The following SLC35D4 variants were observed in gnomAD, a reference collection of about 807,000 sequenced individuals.
The protein encoded by SLC35D4 is UDP-N-acetylglucosamine transporter SLC35D4.
the SLC35D4 span, among the ~76,000 whole-genome samples, chr18:23,364,533 A>T: frequency 6.6e-6 from 1 of 152,198 alleles, no homozygotes; most frequent in Admixed American, 6.5e-5. Flanking sequence ...AAAAACTGTG[A>T]TGGAATAGGG....
the SLC35D4 span, among the ~76,000 whole-genome samples, chr18:23,362,845 G>C: frequency 6.6e-6 from 1 of 152,142 alleles, no homozygotes; most frequent in Non-Finnish European, 1.5e-5. Context: ...GGTGGCACCT[G>C]GGATAATCAC....
the SLC35D4 span, among the ~76,000 whole-genome samples, chr18:23,384,001 T>TGG: frequency 0.21 from 7,662 of 37,094 alleles, 1,522 homozygotes; most frequent in East Asian, 0.38. Context: ...TTCCAAAAAT[T>TGG]GGGGGGGGGG....
chr18:23,422,606 T>G, the SLC35D4 span, among the ~76,000 whole-genome samples: 1 of 152,172 alleles, frequency 6.6e-6, no homozygotes, highest in Non-Finnish European at 1.5e-5. Flanking sequence ...CCATCCATTC[T>G]TTACTTTGCA....
At chr18:23,418,831 C>T in the SLC35D4 span, among the ~76,000 whole-genome samples, 2 of 151,716 alleles carry the variant, frequency 1.3e-5, no homozygotes, top group Non-Finnish European at 1.5e-5. Flanking sequence ...CGTGGTTAAA[C>T]CCCGTCTCTA....
chr18:23,404,405 T>C, the SLC35D4 span, among the ~76,000 whole-genome samples: 1 of 152,176 alleles, frequency 6.6e-6, no homozygotes, highest in Non-Finnish European at 1.5e-5. Flanking sequence ...CAAGGCGCGG[T>C]GGCTCACACC....
chr18:23,405,726 G>A, the SLC35D4 span, among the ~76,000 whole-genome samples: 1 of 152,122 alleles, frequency 6.6e-6, no homozygotes, highest in Non-Finnish European at 1.5e-5. Context: ...GAGAGAGAAA[G>A]CCTGTTGCAA....
the SLC35D4 span, among the ~76,000 whole-genome samples, chr18:23,374,330 G>A: frequency 6.6e-6 from 1 of 152,158 alleles, no homozygotes; most frequent in East Asian, 1.9e-4. Flanking sequence ...CATGCAGAGC[G>A]TGGATTGAAC....
chr18:23,367,784 T>G, the SLC35D4 span, among the ~76,000 whole-genome samples: 1 of 150,756 alleles, frequency 6.6e-6, no homozygotes, highest in Non-Finnish European at 1.5e-5. Context: ...TTGAGAAAGA[T>G]CTCCCCCTGT....
At chr18:23,294,473 C>T in the SLC35D4 span, among the ~76,000 whole-genome samples, 6 of 152,296 alleles carry the variant, frequency 3.9e-5, no homozygotes, top group East Asian at 3.9e-4. Flanking sequence ...TAGAAACTGA[C>T]GGAAACTGAT....
chr18:23,325,812 T>C, the SLC35D4 span, among the ~76,000 whole-genome samples: 2 of 152,264 alleles, frequency 1.3e-5, no homozygotes, highest in South Asian at 4.1e-4. Context: ...AAAAGGAACG[T>C]CAGCTGCTGG....
the SLC35D4 span, among the ~76,000 whole-genome samples, chr18:23,384,006 G>T: frequency 7.2e-6 from 1 of 138,106 alleles, no homozygotes; most frequent in Admixed American, 7.2e-5. Context: ...AAAATTGGGG[G>T]GGGGGGGTGT....
At chr18:23,303,261 ACAC>A in the SLC35D4 span, among the ~76,000 whole-genome samples, 1 of 152,254 alleles carries the variant, frequency 6.6e-6, no homozygotes, top group African/African-American at 2.4e-5. Flanking sequence ...GGCTGAAAAC[ACAC>A]CATCTTTAAC....
the SLC35D4 span, chr18:23,253,623 C>G: frequency 1.1e-6 from 1 of 940,628 alleles, no homozygotes; most frequent in Non-Finnish European, 1.6e-6. Context: ...CCAGATCACC[C>G]TCTGGGAAAG....
At chr18:23,393,105 CG>C in the SLC35D4 span, among the ~76,000 whole-genome samples, 1 of 151,894 alleles carries the variant, frequency 6.6e-6, no homozygotes, top group Admixed American at 6.6e-5. Flanking sequence ...TTAATAGAGA[CG>C]GGGTTTCACC....
the SLC35D4 span, among the ~76,000 whole-genome samples, chr18:23,359,498 C>G: frequency 6.6e-6 from 1 of 152,114 alleles, no homozygotes; most frequent in Non-Finnish European, 1.5e-5. Context: ...ATTCTGCTGA[C>G]TCTGAGTGAG....
At chr18:23,243,733 G>T in the SLC35D4 span, among the ~76,000 whole-genome samples, 2 of 151,882 alleles carry the variant, frequency 1.3e-5, no homozygotes, top group African/African-American at 4.8e-5. Context: ...TTAGCCAGGT[G>T]TGGTGGCAGG....
chr18:23,260,813 G>A, the SLC35D4 span, among the ~76,000 whole-genome samples: 2 of 142,170 alleles, frequency 1.4e-5, no homozygotes, highest in African/African-American at 6.2e-5. Context: ...AGTAAACTGA[G>A]TGTAAATCTG....
At chr18:23,293,450 G>C in the SLC35D4 span, among the ~76,000 whole-genome samples, 1 of 152,172 alleles carries the variant, frequency 6.6e-6, no homozygotes, top group African/African-American at 2.4e-5. Context: ...AAAATGATGT[G>C]ATATTTTACA....
chr18:23,405,923 A>G, the SLC35D4 span, among the ~76,000 whole-genome samples: 12 of 152,354 alleles, frequency 7.9e-5, no homozygotes, highest in Middle Eastern at 3.4e-3. Context: ...TGAGATTTCC[A>G]TACTTTTCCA....
Sources: allele counts gnomAD v4.1 joint callset (sites outside exome capture counted in the v4.1 genomes callset), GRCh38; gene constraint gnomAD v4.1.1; transcripts MANE v1.5; gene names NCBI Gene and HGNC (gene_info 2026-07-23, HGNC 2026-07-21).